COLGALT1: variants seen among roughly 807,000 people sequenced by gnomAD.
COLGALT1 encodes collagen beta(1-O)galactosyltransferase 1, also known as procollagen galactosyltransferase 1.
In COLGALT1, 43 loss-of-function variants were observed where a neutral mutation model predicts 60.8. The observed-to-expected ratio is 0.71, with a 90% CI of 0.55 to 0.91. The LOEUF (loss-of-function observed/expected upper bound fraction) is 0.91. Ranked by LOEUF, COLGALT1 falls within the 40% of genes least tolerant of loss-of-function variation. The pLI, the probability that COLGALT1 is intolerant of heterozygous loss-of-function variation, is 0.00. For missense variants in COLGALT1, 845 were observed against 880.0 expected (o/e 0.96, Z 0.50); for synonymous variants, 369 against 374.2 (o/e 0.99, Z 0.16).
chr19:17,574,299 GA>G (rs1470879637), intron 6 of COLGALT1, among the ~76,000 whole-genome samples: 1 of 151,930 alleles, frequency 6.6e-6, no homozygotes, highest in Non-Finnish European at 1.5e-5. Context: ...GCTCAAGATG[GA>G]ATAGCACCCT....
chr19:17,568,453 G>A (rs1354861645), intron 4 of COLGALT1, 56 bp from the exon 5 acceptor site: 1 of 1,451,154 alleles, frequency 6.9e-7, no homozygotes, highest in African/African-American at 1.4e-5. Context: ...ACTATCACGG[G>A]TCTCCATCCT....
chr19:17,563,497 C>A (rs543914720), intron 3 of COLGALT1, among the ~76,000 whole-genome samples: 163 of 152,176 alleles, frequency 1.1e-3, no homozygotes, highest in African/African-American at 3.9e-3. Flanking sequence ...CTACAGGCGC[C>A]CGCCACAACA....
At position 17,568,483 on chromosome 19, in the gene COLGALT1, G is replaced by A. The variant is rs148206306; in HGVS notation, c.625-26G>A. 1.2e-3 allele frequency: 1,930 copies of A among 1,599,432 alleles called. 15 individuals are homozygous for A. The African/African-American group carries it at 0.022, about 18-fold the overall frequency. ...CATCCTCACCTTTCAAGACCCCTAC[G>A]CGGAACTCTCGCTCTCTCCCCACAG... On this transcript the variant is annotated intron_variant, in intron 4 of 11. Coordinates refer to ENST00000252599, the MANE Select transcript of COLGALT1 (RefSeq NM_024656.4).
rs1446287258 is a variant in COLGALT1, at chr19:17,582,441, C to G, written c.*997C>G. 6.6e-6 allele frequency: 1 copy of G among 152,200 alleles called. No homozygotes were observed. Among genetic ancestry groups the G allele is most frequent in the Non-Finnish European group, 1.5e-5 (1 of 68,040 alleles). 9.4% of individuals were successfully genotyped at this position (152,200 alleles called of 1,614,324 possible). A position where few individuals can be genotyped will look rare whatever the true frequency, so the allele number is the denominator to read the frequency against. On this transcript the variant is annotated 3_prime_UTR_variant, in exon 12 of 12. Coordinates refer to ENST00000252599, the MANE Select transcript of COLGALT1 (RefSeq NM_024656.4). The stretch of plus-strand genomic sequence containing the variant: ...TCACTGCTAGACGGTGTGGGAACTT[C>G]TCACTCATTGGCTTCTTTCCCACAC...
intron 9 of COLGALT1, among the ~76,000 whole-genome samples, chr19:17,578,863 T>C (rs1362154460): frequency 6.6e-6 from 1 of 151,808 alleles, no homozygotes; most frequent in African/African-American, 2.4e-5. Context: ...ATACAAAAAT[T>C]ATCTGGGTGT....
chr19:17,555,741 C>G lies in COLGALT1; in HGVS notation c.28C>G (p.Arg10Gly). 1 of 1,206,854 alleles carries G rather than the reference C, an allele frequency of 8.3e-7. No homozygotes were observed. Among genetic ancestry groups the G allele is most frequent in the Non-Finnish European group, 1.0e-6 (1 of 972,778 alleles). 74.8% of individuals were successfully genotyped at this position (1,206,854 alleles called of 1,614,324 possible). A position where few individuals can be genotyped will look rare whatever the true frequency, so the allele number is the denominator to read the frequency against. Residue 10 changes from arginine to glycine, a missense_variant, in exon 1 of 12, where the codon CGG becomes GGG. By Grantham distance (125) the Arg-to-Gly change is moderately radical. Transcript: ENST00000252599. ...GGCGGCGGCCCCACGCGCGGGCCGG[C>G]GGCGCGGGCAGCCGCTCCTGGCGCT... The part of the protein sequence containing the change: MAAAPRAGR[R>G]RGQPLLALLL...
At position 17,560,401 on chromosome 19, in the gene COLGALT1, A is replaced by G. The variant is rs745919348; in HGVS notation, c.425A>G (p.His142Arg). The G allele has an allele frequency of 3.1e-6, 5 of 1,614,082 alleles. No individual in the cohort carries two copies. Among genetic ancestry groups the G allele is most frequent in the Non-Finnish European group, 2.5e-6 (3 of 1,180,046 alleles). The change falls in exon 3 of 12, where the codon CAT (histidine) becomes CGT (arginine). Residue 142 changes from histidine (H) to arginine (R), a missense_variant. Coordinates refer to ENST00000252599, the MANE Select transcript of COLGALT1 (RefSeq NM_024656.4). ...CACTGGTCTGACTCACGCTACGAGC[A>G]TGTCATGAAGTTGCGCCAGGCAGCC... ...PKHWSDSRYE[H>R]VMKLRQAALK...
rs1471115740 is a variant in COLGALT1, at chr19:17,568,588, A to G, written c.704A>G (p.His235Arg). Reference sequence around the variant, plus strand: ...GGCTGCTTTGCAGTTCCCATGGTGCACTCGACCTTCCTGATCGACCTGCGG... The same window carrying G: ...GGCTGCTTTGCAGTTCCCATGGTGCGCTCGACCTTCCTGATCGACCTGCGG... ...RRGCFAVPMV[H>R]STFLIDLRKA... Residue 235 changes from histidine to arginine, a missense_variant, in exon 5 of 12, where the codon CAC becomes CGC. Transcript: ENST00000252599. 9.9e-6 allele frequency: 16 copies of G among 1,614,056 alleles called. No individual in the cohort carries two copies. The highest frequency in any genetic ancestry group is 1.3e-5 in the African/African-American group (1 of 74,910).
chr19:17,556,591 T>G (rs2076213344), intron 1 of COLGALT1: 1 of 958,560 alleles, frequency 1.0e-6, no homozygotes, highest in Non-Finnish European at 1.2e-6. Context: ...GACTGGTGAC[T>G]TCTCACTCCC....
chr19:17,564,824 C>T (rs2076271328), intron 3 of COLGALT1, among the ~76,000 whole-genome samples: 1 of 152,010 alleles, frequency 6.6e-6, no homozygotes, highest in Non-Finnish European at 1.5e-5. Flanking sequence ...TTGCAACCAC[C>T]ACCTCTAATT....
chr19:17,579,577 T>C lies in COLGALT1; in HGVS notation c.1362T>C (p.Asp454=). 1 of 1,601,642 alleles carries C rather than the reference T, an allele frequency of 6.2e-7. No individual in the cohort carries two copies. Among genetic ancestry groups the C allele is most frequent in the Non-Finnish European group, 8.5e-7 (1 of 1,175,012 alleles). The part of the protein sequence containing the change: ...FKRRLMNLMR[D]VEREGLDWDL... ...GACGTCTGATGAACCTCATGCGGGA[T>C]GTGGAGCGGGAGGGCCTGGACTGGG... Residue 454 remains aspartate, a synonymous_variant, in exon 10 of 12, where the codon GAT becomes GAC. Coordinates refer to ENST00000252599, the MANE Select transcript of COLGALT1 (RefSeq NM_024656.4).
In COLGALT1 at chr19:17,568,720, A is replaced by C; in HGVS notation, c.829+7A>C. The stretch of plus-strand genomic sequence containing the variant: ...TTCTCCTGCAAGCAGGCAGGTACGT[A>C]CATGAGGGGTCTGCCATCGCAGGGG... On this transcript the variant is annotated splice_region_variant and intron_variant, in intron 5 of 11. Coordinates refer to ENST00000252599, the MANE Select transcript of COLGALT1 (RefSeq NM_024656.4). 1 of 1,613,878 alleles carries C rather than the reference A, an allele frequency of 6.2e-7. No individual in the cohort carries two copies. Among genetic ancestry groups the C allele is most frequent in the Non-Finnish European group, 8.5e-7 (1 of 1,179,792 alleles).
intron 1 of COLGALT1, 124 bp from the exon 2 acceptor site, chr19:17,559,187 G>A (rs2076233435): frequency 1.1e-5 from 8 of 710,974 alleles, no homozygotes; most frequent in Non-Finnish European, 1.8e-5. Context: ...AGGGAGAAGT[G>A]TCCTGTCCAG....
intron 1 of COLGALT1, 76 bp from the exon 2 acceptor site, chr19:17,559,235 G>A: frequency 1.0e-6 from 1 of 1,002,786 alleles, no homozygotes. Context: ...GGGGATGGTG[G>A]TCCTTGACTT....
rs1449330996 is a variant in COLGALT1 at position 17,555,733 on chromosome 19, C to G, written c.20C>G (p.Ala7Gly). The part of the protein sequence containing the change: MAAAPR[A>G]GRRRGQPLLA... The stretch of plus-strand genomic sequence containing the variant: ...GGCGCGATGGCGGCGGCCCCACGCG[C>G]GGGCCGGCGGCGCGGGCAGCCGCTC... The change falls in exon 1 of 12, where the codon GCG (alanine) becomes GGG (glycine). Residue 7 changes from alanine (A) to glycine (G), a missense_variant. Transcript: ENST00000252599. 4 of 1,200,532 alleles carry G rather than the reference C, an allele frequency of 3.3e-6. No homozygotes were observed. Among genetic ancestry groups the G allele is most frequent in the Non-Finnish European group, 4.1e-6 (4 of 968,796 alleles). 74.4% of individuals were successfully genotyped at this position (1,200,532 alleles called of 1,614,324 possible). A position where few individuals can be genotyped will look rare whatever the true frequency, so the allele number is the denominator to read the frequency against.
chr19:17,581,149 C>A, intron 11 of COLGALT1, 28 bp from the exon 12 acceptor site: 1 of 1,597,466 alleles, frequency 6.3e-7, no homozygotes, highest in Non-Finnish European at 8.5e-7. Context: ...GCCATTGCTG[C>A]CCCTCACTCC....
intron 3 of COLGALT1, among the ~76,000 whole-genome samples, chr19:17,564,005 G>T (rs1003752772): frequency 2.6e-5 from 4 of 151,868 alleles, no homozygotes; most frequent in Non-Finnish European, 5.9e-5. Flanking sequence ...GGAGGCCAAT[G>T]TGGGAGGATC....
At chr19:17,578,129 T>C (rs373672882) in intron 9 of COLGALT1, 40 bp downstream of exon 9, 44 of 1,525,566 alleles carry the variant, frequency 2.9e-5, no homozygotes, top group Non-Finnish European at 3.6e-5. Context: ...GTTATGACTC[T>C]AGATCTCATC....
chr19:17,572,774 A>G (rs1374318304), intron 6 of COLGALT1, among the ~76,000 whole-genome samples, 172 bp downstream of exon 6: 1 of 152,194 alleles, frequency 6.6e-6, no homozygotes, highest in African/African-American at 2.4e-5. Context: ...CTGCTCTCAC[A>G]GAGTGCTGGT....
Sources: allele counts gnomAD v4.1 joint callset (sites outside exome capture counted in the v4.1 genomes callset), GRCh38; gene constraint gnomAD v4.1.1; transcripts MANE v1.5; gene names NCBI Gene and HGNC (gene_info 2026-07-23, HGNC 2026-07-21).